Variants in DNM2 observed in about 807,000 individuals in gnomAD.
The protein encoded by DNM2 is dynamin-2.
In DNM2, 15 loss-of-function variants were observed where a neutral mutation model predicts 99.0. The ratio of observed to expected loss-of-function variants is 0.15; its 90% CI spans 0.10 to 0.23. DNM2 has a LOEUF of 0.23. Among genes scored for constraint, DNM2 ranks in the 10% least tolerant of loss-of-function variants. The pLI, the probability that DNM2 is intolerant of heterozygous loss-of-function variation, is 1.00. For missense variants in DNM2, 742 were observed against 1,189.4 expected (o/e 0.62, Z 5.53); for synonymous variants, 525 against 481.2 (o/e 1.09, Z -1.19).
rs1218016077 is a variant in DNM2 at position 10,772,499 on chromosome 19, T to C, written c.256T>C (p.Cys86Arg). ...TCTAGAACATGCCGAGTTTTTGCACTGCAAGTCCAAAAAGTTTACAGACTT... is the reference window on the plus strand; with the variant it reads ...TCTAGAACATGCCGAGTTTTTGCACCGCAAGTCCAAAAAGTTTACAGACTT... Reference protein sequence around the residue: ...SKTEHAEFLHCKSKKFTDFDE... With the variant: ...SKTEHAEFLHRKSKKFTDFDE... Residue 86 changes from cysteine to arginine, a missense_variant, in exon 3 of 21, where the codon TGC becomes CGC. By Grantham distance (180) the Cys-to-Arg change is radical. Around this residue, in one of 7 missense-constraint regions of DNM2, gnomAD observed 192 missense variants for 358.9 expected, o/e 0.54. Coordinates refer to ENST00000389253, the MANE Select transcript of DNM2 (RefSeq NM_001005361.3). This position sits in a 1 kb window ranked among gnomAD's most constrained non-coding sequence, Gnocchi z 4.9. 2 of 1,614,056 alleles carry C rather than the reference T, an allele frequency of 1.2e-6. No individual in the cohort carries two copies. The highest frequency in any genetic ancestry group is 1.3e-5 in the African/African-American group (1 of 74,928).
At chr19:10,823,604 T>G in intron 16 of DNM2, 184 bp from the exon 17 acceptor site, 1 of 601,922 alleles carries the variant, frequency 1.7e-6, no homozygotes, top group Non-Finnish European at 3.0e-6. Context: ...CTTGCCGAGC[T>G]TGTGCACAGC....
rs2071834543 is a variant in DNM2 at position 10,793,775 on chromosome 19, C to G, written c.1048C>G (p.Gln350Glu). Residue 350 changes from glutamine to glutamate, a missense_variant, in exon 8 of 21, where the codon CAG becomes GAG. Coordinates refer to ENST00000389253, the MANE Select transcript of DNM2 (RefSeq NM_001005361.3). ...GAAGAGGATCGAGGGCTCAGGAGAT[C>G]AGGTGGACACTCTGGAGCTCTCCGG... ...FEKRIEGSGD[Q>E]VDTLELSGGA... The G allele has an allele frequency of 6.2e-7, 1 of 1,614,118 alleles. No homozygotes were observed. The highest frequency in any genetic ancestry group is 1.7e-5 in the Admixed American group (1 of 60,018).
intron 12 of DNM2, among the ~76,000 whole-genome samples, chr19:10,803,198 G>C (rs545620988): frequency 1.2e-3 from 189 of 152,314 alleles, no homozygotes; most frequent in African/African-American, 4.4e-3. Context: ...ACTGGGCCTT[G>C]CCTTGAGGGG....
rs368750202 is a variant in DNM2, at chr19:10,729,560, C to G, written c.161+11157C>G. ...CAGGTGCAGAGGCCTCGCACACACC[C>G]GGCCCGCTGAGTGCCCCCTGCGGAC... On this transcript the variant is annotated intron_variant, in intron 1 of 20. Transcript: ENST00000389253. 5.9e-5 allele frequency among the ~76,000 whole-genome samples: 9 copies of G among 152,222 alleles called. No individual in the cohort carries two copies. The East Asian group carries it at 1.3e-3, about 23-fold the overall frequency.
chr19:10,803,520 T>A (rs1054337908), intron 12 of DNM2: 1 of 723,194 alleles, frequency 1.4e-6, no homozygotes, highest in Admixed American at 6.3e-5. Context: ...TGCTGCTGTT[T>A]TCCTCACCTT....
intron 11 of DNM2, among the ~76,000 whole-genome samples, chr19:10,801,565 T>C (rs2072143023): frequency 6.8e-6 from 1 of 146,104 alleles, no homozygotes; most frequent in South Asian, 2.1e-4. Flanking sequence ...CTATGATTGT[T>C]CTACTGCACT....
intron 7 of DNM2, among the ~76,000 whole-genome samples, chr19:10,789,952 C>A (rs1179697164): frequency 6.6e-6 from 1 of 152,276 alleles, no homozygotes; most frequent in Admixed American, 6.5e-5. Flanking sequence ...GGGCTTAGCA[C>A]GTTACGTCAT....
chr19:10,807,424 TAG>T (rs1283808741), intron 13 of DNM2, among the ~76,000 whole-genome samples: 3 of 151,540 alleles, frequency 2.0e-5, no homozygotes, highest in East Asian at 1.9e-4. Context: ...GTATTTTTAG[TAG>T]AGAGGGGGTT....
chr19:10,740,270 CTAAT>C (rs1452592542), intron 1 of DNM2, among the ~76,000 whole-genome samples: 1 of 152,028 alleles, frequency 6.6e-6, no homozygotes, highest in Non-Finnish European at 1.5e-5. Context: ...TATTTCTTCT[CTAAT>C]TATTTCCTTC....
In DNM2 at chr19:10,786,674, C is replaced by A; in HGVS notation, c.960C>A (p.Asp320Glu). 2 of 1,614,140 alleles carry A rather than the reference C, an allele frequency of 1.2e-6. No homozygotes were observed. The highest frequency in any genetic ancestry group is 1.1e-5 in the South Asian group (1 of 91,080). Reference protein sequence around the residue: ...EVEEYKNFRPDDPTRKTKALL... With the variant: ...EVEEYKNFRPEDPTRKTKALL... ...AGGAGTACAAGAACTTTCGGCCCGACGACCCCACCCGCAAAACCAAAGCCC... is the reference window on the plus strand; with the variant it reads ...AGGAGTACAAGAACTTTCGGCCCGAAGACCCCACCCGCAAAACCAAAGCCC... Residue 320 changes from aspartate to glutamate, a missense_variant, in exon 7 of 21, where the codon GAC becomes GAA. Physicochemically the swap from Asp to Glu is conservative, Grantham distance 45. This residue lies in a region of DNM2 where 44 missense variants were observed against 41.3 expected (regional missense o/e 1.06). Coordinates refer to ENST00000389253, the MANE Select transcript of DNM2 (RefSeq NM_001005361.3).
chr19:10,786,245 C>T (rs2145976313), intron 6 of DNM2, among the ~76,000 whole-genome samples: 1 of 152,314 alleles, frequency 6.6e-6, no homozygotes, highest in African/African-American at 2.4e-5. Flanking sequence ...TGTTCATTGG[C>T]CCCCGTTTCC....
At position 10,811,406 on chromosome 19, in the gene DNM2, G is replaced by GTGCCGTGCCCTGCCA. The variant is rs2072538543; in HGVS notation, c.1558-853_1558-839dup. On this transcript the variant is annotated intron_variant, in intron 14 of 20. Transcript: ENST00000389253. This position sits in a 1 kb window ranked among gnomAD's most constrained non-coding sequence, Gnocchi z 5.4. ...AGGCCCCATCTCTGGCGCTCCTGCC[G>GTGCCGTGCCCTGCCA]TGCCGTGCCCTGCCATGCCCTGCAC... is the stretch of plus-strand genomic sequence containing the variant. 11 of 289,214 alleles carry GTGCCGTGCCCTGCCA rather than the reference G, an allele frequency of 3.8e-5. No homozygotes were observed. Among genetic ancestry groups the GTGCCGTGCCCTGCCA allele is most frequent in the South Asian group, 3.0e-4 (10 of 33,628 alleles). 17.9% of individuals were successfully genotyped at this position (289,214 alleles called of 1,614,324 possible).
In DNM2 at chr19:10,818,732, G is replaced by C. The variant is rs1008348272; in HGVS notation, c.1672-1248G>C. Among the ~76,000 whole-genome samples, 10 of 152,212 alleles carry C rather than the reference G, an allele frequency of 6.6e-5. No homozygotes were observed. The highest frequency in any genetic ancestry group is 5.9e-5 in the Non-Finnish European group (4 of 68,034). On this transcript the variant is annotated intron_variant, in intron 15 of 20. Coordinates refer to ENST00000389253, the MANE Select transcript of DNM2 (RefSeq NM_001005361.3). The surrounding 1 kb of genome is among the most constrained non-coding windows in gnomAD (Gnocchi z 4.3). ...TTGTGCTGGGGCAGCGCAGTGAGGG[G>C]ACATGAGAGGAGTTTCCAGAGACGG... is the stretch of plus-strand genomic sequence containing the variant.
intron 7 of DNM2, among the ~76,000 whole-genome samples, chr19:10,788,859 G>A (rs1211569028): frequency 1.3e-5 from 2 of 152,204 alleles, no homozygotes; most frequent in Non-Finnish European, 2.9e-5. Flanking sequence ...TTCCCACAGG[G>A]ACACCAGGAG....
rs2073100978 is a variant in DNM2, at chr19:10,825,167, C to T, written c.2004C>T (p.Asn668=). ...NLVDSYVAII[N]KSIRDLMPKT... is the part of the protein sequence containing the mutation. ...TGGACTCATACGTGGCCATCATCAA[C>T]AAGTCCATCCGCGACCTCATGCCAA... Residue 668 remains asparagine, a synonymous_variant, in exon 18 of 21, where the codon AAC becomes AAT. Transcript: ENST00000389253. 6.2e-7 allele frequency: 1 copy of T among 1,614,246 alleles called. No homozygotes were observed. The highest frequency in any genetic ancestry group is 2.2e-5 in the East Asian group (1 of 44,882).
In DNM2 at chr19:10,718,402, C is replaced by A; in HGVS notation, c.160C>A (p.Arg54=). 1 of 1,470,832 alleles carries A rather than the reference C, an allele frequency of 6.8e-7. No individual in the cohort carries two copies. The highest frequency in any genetic ancestry group is 9.0e-7 in the Non-Finnish European group (1 of 1,108,934). The allele number at this position is 1,470,832 out of a possible 1,614,324, so 91.1% of individuals were successfully genotyped here. A position where few individuals can be genotyped will look rare whatever the true frequency, so the allele number is the denominator to read the frequency against. ...CTCGGTGCTGGAGAACTTCGTGGGCCGGTGAGCGGGCGCGGCAGGGATCGC... is the reference window on the plus strand; with the variant it reads ...CTCGGTGCTGGAGAACTTCGTGGGCAGGTGAGCGGGCGCGGCAGGGATCGC... ...KSSVLENFVG[R]DFLPRGSGIV... The change falls in exon 1 of 21, where the codon CGG becomes AGG. Residue 54 remains arginine, a splice_region_variant and synonymous_variant. Coordinates refer to ENST00000389253, the MANE Select transcript of DNM2 (RefSeq NM_001005361.3).
At chr19:10,773,631 T>A (rs555065974) in intron 3 of DNM2, among the ~76,000 whole-genome samples, 32 of 151,780 alleles carry the variant, frequency 2.1e-4, no homozygotes, top group East Asian at 5.8e-4. Context: ...TTTTTATTTT[T>A]TATTTTTTTT....
At chr19:10,725,454 A>AAG (rs902400136) in intron 1 of DNM2, among the ~76,000 whole-genome samples, 1 of 151,910 alleles carries the variant, frequency 6.6e-6, no homozygotes, top group African/African-American at 2.4e-5. Flanking sequence ...TCAAAAAAAA[A>AAG]AAAAAAAGGA....
chr19:10,823,783 C>CCG lies in DNM2; in HGVS notation c.1782-5_1782-4insCG. 6.2e-7 allele frequency: 1 copy of CCG among 1,613,652 alleles called. No homozygotes were observed. The highest frequency in any genetic ancestry group is 8.5e-7 in the Non-Finnish European group (1 of 1,179,838). Reference sequence around the variant, plus strand: ...TTGTGCCCCTCCTTCCCCACCCCCCCGCAGAAACGTCTACAAGGACCTGCG... The same window carrying CCG: ...TTGTGCCCCTCCTTCCCCACCCCCCCCGGCAGAAACGTCTACAAGGACCTGCG... On this transcript the variant is annotated splice_polypyrimidine_tract_variant and splice_region_variant and intron_variant, in intron 16 of 20. Coordinates refer to ENST00000389253, the MANE Select transcript of DNM2 (RefSeq NM_001005361.3).
Sources: gnomAD v4.1 joint callset for allele counts (sites outside exome capture counted in the v4.1 genomes callset) on GRCh38, gnomAD v4.1.1 for gene constraint, gnomAD v4.1.1 regional missense constraint, Gnocchi (gnomAD v3.1) non-coding constraint, MANE v1.5 for transcripts, NCBI Gene and HGNC (gene_info 2026-07-23, HGNC 2026-07-21) for gene names.